The following FBXO46 variants were observed in gnomAD, a reference collection of about 807,000 sequenced individuals.
FBXO46 encodes the protein F-box only protein 46.
In FBXO46, 13 loss-of-function variants were observed where a neutral mutation model predicts 30.7. That is an observed-to-expected ratio of 0.42 (90% confidence interval 0.28 to 0.67). FBXO46 has a LOEUF of 0.67. Ranked by LOEUF, FBXO46 falls within the 30% of genes least tolerant of loss-of-function variation. The pLI, the probability that FBXO46 is intolerant of heterozygous loss-of-function variation, is 0.21. For synonymous variants in FBXO46, 467 were observed against 385.8 expected (o/e 1.21, Z -2.47); for missense variants, 754 against 871.5 (o/e 0.87, Z 1.70).
chr19:45,713,244 G>A lies in FBXO46; in HGVS notation c.252C>T (p.Val84=). ...SAAAAGDEGR[V]LLDTWYVIKP... Reference sequence around the variant, plus strand: ...TGATGACATACCACGTGTCCAGGAGGACTCGACCCTCATCACCAGCAGCTG... The same window carrying A: ...TGATGACATACCACGTGTCCAGGAGAACTCGACCCTCATCACCAGCAGCTG... Residue 84 remains valine (V), a synonymous_variant, in exon 2 of 2, where the codon GTC becomes GTT. Coordinates refer to ENST00000317683, the MANE Select transcript of FBXO46 (RefSeq NM_001080469.2). The surrounding 1 kb of genome is among the most constrained non-coding windows in gnomAD (Gnocchi z 4.7). 1 of 1,613,958 alleles carries A rather than the reference G, an allele frequency of 6.2e-7. No homozygotes were observed. Among genetic ancestry groups the A allele is most frequent in the Non-Finnish European group, 8.5e-7 (1 of 1,179,868 alleles).
At chr19:45,718,430 C>G (rs1278834978) in intron 1 of FBXO46, among the ~76,000 whole-genome samples, 1 of 152,052 alleles carries the variant, frequency 6.6e-6, no homozygotes, top group Non-Finnish European at 1.5e-5. Flanking sequence ...AGCTGACACC[C>G]CCAATCCCCC....
chr19:45,713,163 C>G lies in FBXO46; in HGVS notation c.333G>C (p.Gly111=). Residue 111 remains glycine (G), a synonymous_variant, in exon 2 of 2, where the codon GGG becomes GGC. Coordinates refer to ENST00000317683, the MANE Select transcript of FBXO46 (RefSeq NM_001080469.2). The surrounding 1 kb of genome is among the most constrained non-coding windows in gnomAD (Gnocchi z 4.7). ...CCTTCATGGAGCTGGCCCGGCTGCC[C>G]CCACCACACTGGTGGGCCACAAAGA... is the stretch of plus-strand genomic sequence containing the variant. ...VAFFVAHQCG[G]GSRASSMKVK... is the part of the protein sequence containing the mutation. 1 of 1,613,756 alleles carries G rather than the reference C, an allele frequency of 6.2e-7. No homozygotes were observed. Among genetic ancestry groups the G allele is most frequent in the Non-Finnish European group, 8.5e-7 (1 of 1,179,838 alleles).
At chr19:45,718,034 A>C (rs1968123615) in intron 1 of FBXO46, among the ~76,000 whole-genome samples, 1 of 152,104 alleles carries the variant, frequency 6.6e-6, no homozygotes, top group Non-Finnish European at 1.5e-5. Context: ...ACAGTCCTAT[A>C]AACCTGAACC....
chr19:45,712,219 T>C lies in FBXO46; in HGVS notation c.1277A>G (p.Asp426Gly), dbSNP rs1316573805. ...PDGPPEPPPA[D>G]SPATAPGPDD... ...TGGGCCGGGCGCAGTGGCCGGGGAG[T>C]CGGCCGGGGGTGGCTCCGGGGGCCC... is the stretch of plus-strand genomic sequence containing the variant. Residue 426 changes from aspartate (D) to glycine (G), a missense_variant, in exon 2 of 2, where the codon GAC becomes GGC. Asp to Gly is a moderately conservative substitution (Grantham distance 94). Around this residue, in one of 5 missense-constraint regions of FBXO46, gnomAD observed 454 missense variants for 426.5 expected, o/e 1.06. Coordinates refer to ENST00000317683, the MANE Select transcript of FBXO46 (RefSeq NM_001080469.2). The surrounding 1 kb of genome is among the most constrained non-coding windows in gnomAD (Gnocchi z 8.8). The C allele has an allele frequency of 3.7e-6, 6 of 1,604,196 alleles. No homozygotes were observed. Among genetic ancestry groups the C allele is most frequent in the Non-Finnish European group, 4.2e-6 (5 of 1,177,002 alleles).
At position 45,713,213 on chromosome 19, in the gene FBXO46, C is replaced by T. The variant is rs779373881; in HGVS notation, c.283G>A (p.Gly95Arg). The change falls in exon 2 of 2, where the codon GGG becomes AGG. Residue 95 changes from glycine (G) to arginine (R), a missense_variant. Gly to Arg is a moderately radical substitution (Grantham distance 125, BLOSUM62 -2). Around this residue, in one of 5 missense-constraint regions of FBXO46, gnomAD observed 2 missense variants for 16.7 expected, o/e 0.12. Transcript: ENST00000317683. The surrounding 1 kb of genome is among the most constrained non-coding windows in gnomAD (Gnocchi z 4.7). ...LLDTWYVIKP[G>R]NTKEKVAFFV... ...AAGGCCACCTTCTCCTTTGTATTCC[C>T]GGGCTTGATGACATACCACGTGTCC... 4.3e-6 allele frequency: 7 copies of T among 1,613,856 alleles called. No homozygotes were observed. Among genetic ancestry groups the T allele is most frequent in the East Asian group, 2.2e-5 (1 of 44,894 alleles).
rs577641561 is a variant in FBXO46, at chr19:45,726,532, C to A, written c.-79+4317G>T. On this transcript the variant is annotated intron_variant, in intron 1 of 1. Coordinates refer to ENST00000317683, the MANE Select transcript of FBXO46 (RefSeq NM_001080469.2). Reference sequence around the variant, plus strand: ...GCATAGAGGTGTACACCTGTAATCCCAGCTACTTGGGAGGCTGAGGCAGGA... The same window carrying A: ...GCATAGAGGTGTACACCTGTAATCCAAGCTACTTGGGAGGCTGAGGCAGGA... Among the ~76,000 whole-genome samples the A allele has an allele frequency of 2.0e-5, 3 of 152,064 alleles. No homozygotes were observed. The East Asian group carries it at 5.8e-4, about 29-fold the overall frequency.
In FBXO46 at chr19:45,712,951, C is replaced by A; in HGVS notation, c.545G>T (p.Arg182Leu). 2 of 1,589,694 alleles carry A rather than the reference C, an allele frequency of 1.3e-6. No individual in the cohort carries two copies. The highest frequency in any genetic ancestry group is 1.3e-5 in the African/African-American group (1 of 74,418). ...VAEMVALVEQRAALALQSYPR... is the reference protein window; with the variant it reads ...VAEMVALVEQLAALALQSYPR... Reference sequence around the variant, plus strand: ...GTAGCTCTGCAGGGCCAGGGCTGCCCGCTGTTCCACCAGGGCCACCATCTC... The same window carrying A: ...GTAGCTCTGCAGGGCCAGGGCTGCCAGCTGTTCCACCAGGGCCACCATCTC... The change falls in exon 2 of 2, where the codon CGG becomes CTG. Residue 182 changes from arginine (R) to leucine (L), a missense_variant. Transcript: ENST00000317683. The surrounding 1 kb of genome is among the most constrained non-coding windows in gnomAD (Gnocchi z 8.8).
In FBXO46 at chr19:45,711,757, A is replaced by T; in HGVS notation, c.1739T>A (p.Leu580His). 1 of 1,386,736 alleles carries T rather than the reference A, an allele frequency of 7.2e-7. No individual in the cohort carries two copies. The highest frequency in any genetic ancestry group is 9.6e-7 in the Non-Finnish European group (1 of 1,045,960). The allele number at this position is 1,386,736 out of a possible 1,614,324, so 85.9% of individuals were successfully genotyped here. Residue 580 changes from leucine to histidine, a missense_variant, in exon 2 of 2, where the codon CTC becomes CAC. Physicochemically the swap from Leu to His is moderately conservative, Grantham distance 99. Around this residue, in one of 5 missense-constraint regions of FBXO46, gnomAD observed 162 missense variants for 258.7 expected, o/e 0.63. Transcript: ENST00000317683. ...GGGCAGCACCCAGTTGTTATCGTGGAGGCCCAGGCGGCAGCCGGGAGTCTC... is the reference window on the plus strand; with the variant it reads ...GGGCAGCACCCAGTTGTTATCGTGGTGGCCCAGGCGGCAGCCGGGAGTCTC... ...DRETPGCRLG[L>H]HDNNWVLPCN...
upstream of FBXO46, among the ~76,000 whole-genome samples, chr19:45,731,462 G>A (rs530300097): frequency 2.4e-3 from 365 of 151,912 alleles, 2 homozygotes; most frequent in Middle Eastern, 0.02. Context: ...GATTACAGGA[G>A]CCCGCCACCA....
At chr19:45,732,500 A>G (rs1201980378), upstream of FBXO46, among the ~76,000 whole-genome samples, 2 of 132,834 alleles carry the variant, frequency 1.5e-5, no homozygotes, top group East Asian at 5.0e-4. Context: ...TTAAGACCAA[A>G]CTAGGCAGCA....
intron 1 of FBXO46, among the ~76,000 whole-genome samples, chr19:45,727,083 C>T (rs950233255): frequency 2.0e-5 from 3 of 151,880 alleles, no homozygotes; most frequent in Admixed American, 6.6e-5. Flanking sequence ...CGTGGTGAAA[C>T]GCTGACTCTA....
At chr19:45,719,909 A>T (rs1306935948) in intron 1 of FBXO46, among the ~76,000 whole-genome samples, 3 of 152,212 alleles carry the variant, frequency 2.0e-5, no homozygotes, top group Non-Finnish European at 2.9e-5. Context: ...CCTATTTTTA[A>T]TTTCGTGTTG....
At chr19:45,718,101 C>T (rs1029991304) in intron 1 of FBXO46, among the ~76,000 whole-genome samples, 1 of 152,166 alleles carries the variant, frequency 6.6e-6, no homozygotes, top group Admixed American at 6.5e-5. Context: ...GGAAAACACC[C>T]AGGTACCCCA....
In FBXO46 at chr19:45,711,723, C is replaced by A. The variant is rs1224783744; in HGVS notation, c.1773G>T (p.Gly591=). ...HDNNWVLPCN[G]PGGGRAGREE... ...CCCGGCCGGCCCGGCCCCCGCCTGG[C>A]CCATTGCAGGGCAGCACCCAGTTGT... The change falls in exon 2 of 2, where the codon GGG becomes GGT. Residue 591 remains glycine, a synonymous_variant. Transcript: ENST00000317683. 3 of 1,523,004 alleles carry A rather than the reference C, an allele frequency of 2.0e-6. No individual in the cohort carries two copies. In the Admixed American group the frequency reaches 5.9e-5, roughly 30 times the overall value. The allele number at this position is 1,523,004 out of a possible 1,614,324, so 94.3% of individuals were successfully genotyped here.
At chr19:45,718,708 C>A (rs1968132802) in intron 1 of FBXO46, among the ~76,000 whole-genome samples, 2 of 151,974 alleles carry the variant, frequency 1.3e-5, no homozygotes, top group African/African-American at 4.8e-5. Flanking sequence ...TCCCTGCCTA[C>A]TCTGGGTCAT....
chr19:45,717,481 G>A (rs1968112843), intron 1 of FBXO46: 1 of 152,324 alleles, frequency 6.6e-6, no homozygotes, highest in Non-Finnish European at 1.5e-5. Context: ...AGGCCTTGGC[G>A]AAGGGGCCCA....
chr19:45,729,977 A>C (rs1391214624), intron 1 of FBXO46, among the ~76,000 whole-genome samples: 3 of 152,128 alleles, frequency 2.0e-5, no homozygotes, highest in Non-Finnish European at 4.4e-5. Context: ...TCTGAGACTG[A>C]AACTTCACAG....
intron 1 of FBXO46, chr19:45,715,495 A>C (rs1968076061): frequency 6.6e-6 from 1 of 152,174 alleles, no homozygotes; most frequent in Non-Finnish European, 1.5e-5. Context: ...CCTGCAGTAC[A>C]GACCATCCCT....
intron 1 of FBXO46, among the ~76,000 whole-genome samples, chr19:45,723,880 G>A (rs572512253): frequency 1.3e-5 from 2 of 151,704 alleles, no homozygotes; most frequent in South Asian, 4.2e-4. Flanking sequence ...GGCTGGTCTT[G>A]AACTCCTGAT....
Sources: gnomAD v4.1 joint callset for allele counts (sites outside exome capture counted in the v4.1 genomes callset) on GRCh38, gnomAD v4.1.1 for gene constraint, gnomAD v4.1.1 regional missense constraint, Gnocchi (gnomAD v3.1) non-coding constraint, MANE v1.5 for transcripts, NCBI Gene and HGNC (gene_info 2026-07-23, HGNC 2026-07-21) for gene names.